OTOGL: variants seen among roughly 807,000 people sequenced by gnomAD.
The protein encoded by OTOGL is otogelin like.
Under a neutral mutation model 318.5 loss-of-function variants are expected in OTOGL, and 285 were observed. The ratio of observed to expected loss-of-function variants is 0.89; its 90% CI spans 0.81 to 0.99. OTOGL has a LOEUF of 0.99. Among genes scored for constraint, OTOGL ranks in the 50% least tolerant of loss-of-function variants. OTOGL has a pLI of 0.00. For synonymous variants in OTOGL, 987 were observed against 936.5 expected (o/e 1.05, Z -0.99); for missense variants, 2,899 against 2,845.6 (o/e 1.02, Z -0.43).
At chr12:80,372,185 A>C in intron 57 of OTOGL, 121 bp downstream of exon 57, 1 of 599,454 alleles carries the variant, frequency 1.7e-6, no homozygotes. Context: ...AATTTTATAA[A>C]ATATTTTTGT....
In OTOGL at chr12:80,185,517, G is replaced by A. The variant is rs149747780; in HGVS notation, c.-19-23896G>A. ...TTGGCCAGGCTGGTCTTGAACTCCTGATCTCAAGTGACCCACTCACCTTGG... is the reference window on the plus strand; with the variant it reads ...TTGGCCAGGCTGGTCTTGAACTCCTAATCTCAAGTGACCCACTCACCTTGG... On this transcript the variant is annotated intron_variant, in intron 1 of 58. Transcript: ENST00000547103. Among the ~76,000 whole-genome samples the A allele has an allele frequency of 3.2e-3, 482 of 152,264 alleles. 3 individuals are homozygous for A. Among genetic ancestry groups the A allele is most frequent in the African/African-American group, 0.011 (455 of 41,564 alleles).
At chr12:80,155,229 G>T (rs1170973814) in intron 1 of OTOGL, among the ~76,000 whole-genome samples, 1 of 152,076 alleles carries the variant, frequency 6.6e-6, no homozygotes, top group African/African-American at 2.4e-5. Context: ...TCTGTGGTTT[G>T]TCTTCTCATT....
chr12:80,293,100 C>T (rs893067084), intron 26 of OTOGL, among the ~76,000 whole-genome samples: 1 of 152,046 alleles, frequency 6.6e-6, no homozygotes, highest in Admixed American at 6.6e-5. Context: ...AAGCTAAAAC[C>T]TTTACTCTTT....
chr12:80,353,622 G>A, intron 46 of OTOGL, 112 bp downstream of exon 46: 1 of 867,104 alleles, frequency 1.2e-6, no homozygotes, highest in Non-Finnish European at 1.6e-6. Context: ...AGCCTCTGTT[G>A]GAAAGGAAAT....
chr12:80,256,026 T>C (rs889326483), intron 16 of OTOGL, among the ~76,000 whole-genome samples: 6 of 152,124 alleles, frequency 3.9e-5, no homozygotes, highest in African/African-American at 1.2e-4. Context: ...CTATTGGTAC[T>C]TTACTGAAAG....
chr12:80,243,685 A>T (rs1373969033), intron 11 of OTOGL, among the ~76,000 whole-genome samples: 1 of 151,376 alleles, frequency 6.6e-6, no homozygotes, highest in Non-Finnish European at 1.5e-5. Flanking sequence ...AGGATAAAAA[A>T]TATGCTAAAT....
At chr12:80,270,930 A>G (rs1469600041) in intron 23 of OTOGL, among the ~76,000 whole-genome samples, 1 of 152,002 alleles carries the variant, frequency 6.6e-6, no homozygotes, top group Non-Finnish European at 1.5e-5. Flanking sequence ...ATTGTAAGCT[A>G]TTATTGCTTT....
At chr12:80,105,915 A>G (rs1243772517) in intron 1 of OTOGL, among the ~76,000 whole-genome samples, 1 of 152,238 alleles carries the variant, frequency 6.6e-6, no homozygotes, top group African/African-American at 2.4e-5. Context: ...GATACTGGGA[A>G]AAAACATCAA....
chr12:80,378,039 G>C lies in OTOGL; in HGVS notation c.7053G>C (p.Gln2351His). 6.4e-7 allele frequency: 1 copy of C among 1,570,596 alleles called. No homozygotes were observed. ...AGGAACCCATAGACTGTACGTGCCA[G>C]TGGAATTAAACCCTTGGGTTCCAAG... Reference protein sequence around the residue: ...TLQEPIDCTCQWN With the variant: ...TLQEPIDCTCHWN The change falls in exon 59 of 59, where the codon CAG becomes CAC. Residue 2351 changes from glutamine (Q) to histidine (H), a missense_variant. Physicochemically the swap from Gln to His is conservative, Grantham distance 24. Coordinates refer to ENST00000547103, the MANE Select transcript of OTOGL (RefSeq NM_001378609.3).
chr12:80,285,526 C>CCAT (rs949974849), intron 26 of OTOGL, among the ~76,000 whole-genome samples: 1 of 152,020 alleles, frequency 6.6e-6, no homozygotes, highest in African/African-American at 2.4e-5. Flanking sequence ...AATCTTTTTT[C>CCAT]CATTTGCTTG....
At chr12:80,311,020 T>C (rs528523807) in intron 30 of OTOGL, among the ~76,000 whole-genome samples, 1 of 152,374 alleles carries the variant, frequency 6.6e-6, no homozygotes, top group East Asian at 1.9e-4. Context: ...ATTAAGAGCA[T>C]AAATGTTTAC....
At chr12:80,310,582 T>A in intron 29 of OTOGL, 29 bp from the exon 30 acceptor site, 1 of 1,490,360 alleles carries the variant, frequency 6.7e-7, no homozygotes, top group Non-Finnish European at 9.2e-7. Flanking sequence ...CTTTGAAAAC[T>A]TCTTTTCTCT....
intron 11 of OTOGL, among the ~76,000 whole-genome samples, chr12:80,251,305 C>T (rs1008031285): frequency 2.0e-5 from 3 of 152,102 alleles, no homozygotes; most frequent in African/African-American, 7.2e-5. Flanking sequence ...AGAATTTTAT[C>T]TGTTTTAACA....
chr12:80,226,779 C>T (rs12423756), intron 7 of OTOGL, among the ~76,000 whole-genome samples: 4,893 of 152,156 alleles, frequency 0.032, 136 homozygotes, highest in Admixed American at 0.09. Flanking sequence ...AAGCAAGAAC[C>T]CATTTCCTCT....
chr12:80,260,100 C>T (rs1882405915), intron 18 of OTOGL, among the ~76,000 whole-genome samples: 1 of 152,106 alleles, frequency 6.6e-6, no homozygotes, highest in Non-Finnish European at 1.5e-5. Context: ...AGCATAGAAC[C>T]TCACATATAG....
At chr12:80,269,677 G>C (rs1883256656) in intron 22 of OTOGL, among the ~76,000 whole-genome samples, 1 of 152,092 alleles carries the variant, frequency 6.6e-6, no homozygotes, top group Non-Finnish European at 1.5e-5. Flanking sequence ...AAACTGTTCA[G>C]ACTTTACTTC....
intron 1 of OTOGL, among the ~76,000 whole-genome samples, chr12:80,104,617 G>T (rs574830905): frequency 6.6e-6 from 1 of 152,190 alleles, no homozygotes; most frequent in East Asian, 1.9e-4. Context: ...AGCATGTCAG[G>T]GGGGTGAGAG....
chr12:80,337,562 A>G (rs1443948374), intron 42 of OTOGL, among the ~76,000 whole-genome samples: 1 of 152,112 alleles, frequency 6.6e-6, no homozygotes, highest in Non-Finnish European at 1.5e-5. Flanking sequence ...AAAAAATGAA[A>G]GGAGCCTTTT....
chr12:80,328,526 G>A (rs747561943), intron 35 of OTOGL, 139 bp from the exon 36 acceptor site: 1 of 637,506 alleles, frequency 1.6e-6, no homozygotes, highest in Non-Finnish European at 2.7e-6. Flanking sequence ...AGCAGATGGA[G>A]CAGTTGTTAG....
Sources: allele counts gnomAD v4.1 joint callset (sites outside exome capture counted in the v4.1 genomes callset), GRCh38; gene constraint gnomAD v4.1.1; transcripts MANE v1.5; gene names NCBI Gene and HGNC (gene_info 2026-07-23, HGNC 2026-07-21).